MAPKAPK2: variants seen among roughly 807,000 people sequenced by gnomAD.
MAPKAPK2 encodes the protein MAPK activated protein kinase 2.
In MAPKAPK2, 9 loss-of-function variants were observed where a neutral mutation model predicts 48.8. The observed-to-expected ratio is 0.18, with a 90% CI of 0.11 to 0.32. MAPKAPK2 has a LOEUF of 0.32. MAPKAPK2 is among the 10% of genes least tolerant of loss of function. MAPKAPK2 has a pLI of 1.00. For missense variants in MAPKAPK2, 331 were observed against 498.3 expected (o/e 0.66, Z 3.20); for synonymous variants, 202 against 190.6 (o/e 1.06, Z -0.49).
chr1:206,730,997 G>A (rs1673883919), intron 6 of MAPKAPK2, 141 bp from the exon 7 acceptor site: 2 of 1,250,704 alleles, frequency 1.6e-6, no homozygotes, highest in Non-Finnish European at 2.3e-6. Context: ...GCTTGACTTT[G>A]TATATTGTGC....
intron 1 of MAPKAPK2, among the ~76,000 whole-genome samples, chr1:206,721,989 C>T (rs1487985046): frequency 1.3e-5 from 2 of 151,162 alleles, no homozygotes; most frequent in Non-Finnish European, 2.9e-5. Flanking sequence ...CACTTGAACC[C>T]GGGAGGTGGA....
At chr1:206,702,025 C>T (rs73082908) in intron 1 of MAPKAPK2, among the ~76,000 whole-genome samples, 1 of 152,016 alleles carries the variant, frequency 6.6e-6, no homozygotes, top group African/African-American at 2.4e-5. Flanking sequence ...GAGGAGGTAA[C>T]CTGGAATGTG....
At position 206,732,810 on chromosome 1, in the gene MAPKAPK2, C is replaced by T; in HGVS notation, c.*92C>T. On this transcript the variant is annotated 3_prime_UTR_variant, in exon 10 of 10. Coordinates refer to ENST00000367103, the MANE Select transcript of MAPKAPK2 (RefSeq NM_032960.4). This position sits in a 1 kb window ranked among gnomAD's most constrained non-coding sequence, Gnocchi z 4.4. ...GAAGAGACAGAACTGTCCACATCTG[C>T]CTCCTCTCCTCCTCAGCTGCATGGA... is the stretch of plus-strand genomic sequence containing the variant. 7.3e-7 allele frequency: 1 copy of T among 1,370,376 alleles called. No individual in the cohort carries two copies. The highest frequency in any genetic ancestry group is 1.0e-6 in the Non-Finnish European group (1 of 994,420). The allele number at this position is 1,370,376 out of a possible 1,614,324, so 84.9% of individuals were successfully genotyped here. A position where few individuals can be genotyped will look rare whatever the true frequency, so the allele number is the denominator to read the frequency against.
intron 3 of MAPKAPK2, 61 bp downstream of exon 3, chr1:206,729,160 G>T: frequency 1.3e-6 from 2 of 1,539,916 alleles, no homozygotes; most frequent in Non-Finnish European, 1.8e-6. Context: ...GTCTGAAGGG[G>T]GCCTTTGCAG....
chr1:206,732,046 T>C lies in MAPKAPK2; in HGVS notation c.1059+127T>C, dbSNP rs782241927. 6.2e-7 allele frequency: 1 copy of C among 1,614,128 alleles called. No individual in the cohort carries two copies. Among genetic ancestry groups the C allele is most frequent in the Admixed American group, 1.7e-5 (1 of 60,012 alleles). Reference sequence around the variant, plus strand: ...TGCCTCTCTCATCCCAGGGGTGTCTTCATGACAAGAACAGCGACCAGGCCA... The same window carrying C: ...TGCCTCTCTCATCCCAGGGGTGTCTCCATGACAAGAACAGCGACCAGGCCA... On this transcript the variant is annotated intron_variant, in intron 9 of 9. Coordinates refer to ENST00000367103, the MANE Select transcript of MAPKAPK2 (RefSeq NM_032960.4). This position sits in a 1 kb window ranked among gnomAD's most constrained non-coding sequence, Gnocchi z 4.4.
At chr1:206,709,183 T>C (rs1673059760) in intron 1 of MAPKAPK2, among the ~76,000 whole-genome samples, 1 of 152,220 alleles carries the variant, frequency 6.6e-6, no homozygotes, top group Non-Finnish European at 1.5e-5. Flanking sequence ...CCTCTCATTG[T>C]ACTGTGCACC....
intron 1 of MAPKAPK2, among the ~76,000 whole-genome samples, chr1:206,703,867 A>G (rs1672871406): frequency 6.6e-6 from 1 of 152,226 alleles, no homozygotes; most frequent in African/African-American, 2.4e-5. Context: ...AGGAACAGTC[A>G]GTGGCTTCAG....
Position 206,685,485 on chromosome 1 carries a change from AC to A in MAPKAPK2, c.259del (p.Gln87ArgfsTer49). 1 of 1,533,298 alleles carries A rather than the reference AC, an allele frequency of 6.5e-7. No individual in the cohort carries two copies. The highest frequency in any genetic ancestry group is 8.8e-7 in the Non-Finnish European group (1 of 1,135,752). The allele number at this position is 1,533,298 out of a possible 1,614,324, so 95.0% of individuals were successfully genotyped here. ...GKVLQIFNKRTQEKFALKMLQ... is the reference protein window; with the variant it reads ...GKVLQIFNKRXQEKFALKMLQ... Reference sequence around the variant, plus strand: ...AGTTTTGCAGATCTTCAACAAGAGGACCCAGGAGAAATTCGCCCTCAAAGTA... The same window carrying A: ...AGTTTTGCAGATCTTCAACAAGAGGACCAGGAGAAATTCGCCCTCAAAGTA... On this transcript the variant is annotated frameshift_variant, in exon 1 of 10. Transcript: ENST00000367103. LOFTEE classifies it high-confidence loss of function.
rs907899205 is a variant in MAPKAPK2 at position 206,733,683 on chromosome 1, C to T, written c.*965C>T. On this transcript the variant is annotated 3_prime_UTR_variant, in exon 10 of 10. Transcript: ENST00000367103. Reference sequence around the variant, plus strand: ...TACTTCCCCTTCTTGCCATTATTAACCCATTTTTGTTTATTTTCCTTAAAT... The same window carrying T: ...TACTTCCCCTTCTTGCCATTATTAATCCATTTTTGTTTATTTTCCTTAAAT... 2 of 151,880 alleles carry T rather than the reference C, an allele frequency of 1.3e-5. No homozygotes were observed. Among genetic ancestry groups the T allele is most frequent in the Non-Finnish European group, 2.9e-5 (2 of 67,956 alleles). 9.4% of individuals were successfully genotyped at this position (151,880 alleles called of 1,614,324 possible).
intron 1 of MAPKAPK2, among the ~76,000 whole-genome samples, chr1:206,694,987 C>T (rs1672570645): frequency 6.6e-6 from 1 of 152,206 alleles, no homozygotes; most frequent in African/African-American, 2.4e-5. Context: ...AGCATCATGT[C>T]CTTTCCAGCA....
At chr1:206,694,783 C>A (rs1553426759) in intron 1 of MAPKAPK2, among the ~76,000 whole-genome samples, 2 of 152,218 alleles carry the variant, frequency 1.3e-5, no homozygotes, top group African/African-American at 4.8e-5. Context: ...CTCAGAGCAG[C>A]CTGGCTGCAC....
intron 1 of MAPKAPK2, among the ~76,000 whole-genome samples, chr1:206,723,126 C>A (rs1450084118): frequency 6.6e-6 from 1 of 152,208 alleles, no homozygotes; most frequent in Non-Finnish European, 1.5e-5. Flanking sequence ...ATTACATGCG[C>A]CCAGCTTAGG....
chr1:206,711,399 T>C (rs1396873511), intron 1 of MAPKAPK2, among the ~76,000 whole-genome samples: 2 of 152,088 alleles, frequency 1.3e-5, no homozygotes, highest in Non-Finnish European at 1.5e-5. Context: ...CACAGGTGCG[T>C]ACCACCACAC....
intron 1 of MAPKAPK2, among the ~76,000 whole-genome samples, chr1:206,703,728 G>C (rs1232856796): frequency 6.6e-6 from 1 of 152,196 alleles, no homozygotes; most frequent in Non-Finnish European, 1.5e-5. Context: ...GGAGGGGAGA[G>C]CTGACATCAG....
chr1:206,707,702 G>A (rs1193137815), intron 1 of MAPKAPK2, among the ~76,000 whole-genome samples: 3 of 152,194 alleles, frequency 2.0e-5, no homozygotes, highest in African/African-American at 7.2e-5. Context: ...GACCTGCTGG[G>A]TGTGTGTGGG....
rs190801417 is a variant in MAPKAPK2, at chr1:206,731,804, A to C, written c.979-35A>C. On this transcript the variant is annotated intron_variant, in intron 8 of 9. Coordinates refer to ENST00000367103, the MANE Select transcript of MAPKAPK2 (RefSeq NM_032960.4). The surrounding 1 kb of genome is among the most constrained non-coding windows in gnomAD (Gnocchi z 5.9). ...AGAGTCTTAGCCAGGACCCTACCCCAGGCTTTCACTCGGACCCCTTTTCTC... is the reference window on the plus strand; with the variant it reads ...AGAGTCTTAGCCAGGACCCTACCCCCGGCTTTCACTCGGACCCCTTTTCTC... 1 of 1,610,848 alleles carries C rather than the reference A, an allele frequency of 6.2e-7. No individual in the cohort carries two copies. Among genetic ancestry groups the C allele is most frequent in the East Asian group, 2.2e-5 (1 of 44,862 alleles).
chr1:206,723,564 A>T (rs868951041), intron 1 of MAPKAPK2, among the ~76,000 whole-genome samples: 2 of 152,140 alleles, frequency 1.3e-5, no homozygotes, highest in Non-Finnish European at 2.9e-5. Context: ...GCTCCTTCCC[A>T]GTCTTGTCTT....
chr1:206,709,103 C>T (rs1673056299), intron 1 of MAPKAPK2, among the ~76,000 whole-genome samples: 1 of 152,176 alleles, frequency 6.6e-6, no homozygotes, highest in South Asian at 2.1e-4. Context: ...CCTGGGTAAA[C>T]AACGAGGAGT....
At chr1:206,685,886 C>A (rs1425910311) in intron 1 of MAPKAPK2, among the ~76,000 whole-genome samples, 1 of 152,200 alleles carries the variant, frequency 6.6e-6, no homozygotes, top group African/African-American at 2.4e-5. Flanking sequence ...TCTCCTCCCT[C>A]CTTTTTCTCT....
Sources: gnomAD v4.1 joint callset for allele counts (sites outside exome capture counted in the v4.1 genomes callset) on GRCh38, gnomAD v4.1.1 for gene constraint, Gnocchi (gnomAD v3.1) non-coding constraint, MANE v1.5 for transcripts, NCBI Gene and HGNC (gene_info 2026-07-23, HGNC 2026-07-21) for gene names.